PTPRD: variants seen among roughly 807,000 people sequenced by gnomAD.
PTPRD encodes protein tyrosine phosphatase receptor type D, also known as receptor-type tyrosine-protein phosphatase delta.
Under a neutral mutation model 214.5 loss-of-function variants are expected in PTPRD, and 34 were observed. That is an observed-to-expected ratio of 0.16 (90% confidence interval 0.12 to 0.21). The LOEUF (loss-of-function observed/expected upper bound fraction) is 0.21. Ranked by LOEUF, PTPRD falls within the 10% of genes least tolerant of loss-of-function variation. PTPRD has a pLI of 1.00. For missense variants in PTPRD, 2,545 were observed against 2,398.7 expected (o/e 1.06, Z -1.27); for synonymous variants, 1,128 against 845.7 (o/e 1.33, Z -5.79).
chr9:9,971,944 A>T (rs1358845320), intron 4 of PTPRD, among the ~76,000 whole-genome samples: 1 of 152,150 alleles, frequency 6.6e-6, no homozygotes, highest in Non-Finnish European at 1.5e-5. Context: ...TTAGAACTTC[A>T]GCTTTAGTGA....
chr9:9,609,655 G>A (rs979218343), intron 7 of PTPRD, among the ~76,000 whole-genome samples: 1 of 152,112 alleles, frequency 6.6e-6, no homozygotes, highest in South Asian at 2.1e-4. Context: ...TAGAGATGGG[G>A]TTTCCCCATG....
chr9:10,451,019 A>G (rs967352963), intron 2 of PTPRD, among the ~76,000 whole-genome samples: 2 of 152,014 alleles, frequency 1.3e-5, no homozygotes, highest in African/African-American at 4.8e-5. Context: ...AATGCCACTT[A>G]ATAACATGAT....
At chr9:10,511,713 T>C (rs929804459) in intron 2 of PTPRD, among the ~76,000 whole-genome samples, 1 of 151,078 alleles carries the variant, frequency 6.6e-6, no homozygotes, top group African/African-American at 2.4e-5. Flanking sequence ...CACACCTGGC[T>C]ACCATTTCTT....
At chr9:10,286,454 T>G (rs1466206852) in intron 3 of PTPRD, among the ~76,000 whole-genome samples, 3 of 151,670 alleles carry the variant, frequency 2.0e-5, no homozygotes, top group African/African-American at 7.3e-5. Flanking sequence ...AATAAATACA[T>G]TTAAAAAAAT....
intron 14 of PTPRD, among the ~76,000 whole-genome samples, chr9:8,547,434 G>T (rs1375429274): frequency 6.6e-6 from 1 of 152,102 alleles, no homozygotes; most frequent in African/African-American, 2.4e-5. Context: ...CCTGATCTCA[G>T]GAGTTTGAGA....
At chr9:10,611,496 T>TTA (rs1289820321) in intron 2 of PTPRD, among the ~76,000 whole-genome samples, 1 of 152,192 alleles carries the variant, frequency 6.6e-6, no homozygotes, top group Non-Finnish European at 1.5e-5. Context: ...TACATGTTTT[T>TTA]TATATATATG....
chr9:8,327,346 G>GTTTTT (rs3858062), intron 44 of PTPRD, among the ~76,000 whole-genome samples: 1 of 130,528 alleles, frequency 7.7e-6, no homozygotes, highest in African/African-American at 2.9e-5. Flanking sequence ...GTTTTGAGTG[G>GTTTTT]TTTTTTTTTT....
At chr9:8,568,212 T>C (rs2090005345) in intron 14 of PTPRD, among the ~76,000 whole-genome samples, 1 of 152,184 alleles carries the variant, frequency 6.6e-6, no homozygotes, top group African/African-American at 2.4e-5. Context: ...GATGCTAAGT[T>C]ACATTTAATA....
At chr9:8,961,340 C>G (rs761565497) in intron 11 of PTPRD, among the ~76,000 whole-genome samples, 4 of 152,122 alleles carry the variant, frequency 2.6e-5, no homozygotes, top group Non-Finnish European at 5.9e-5. Flanking sequence ...CCAAAGGCCA[C>G]TTGAGGTCTT....
rs1412469646 is a variant in PTPRD at position 8,574,382 on chromosome 9, C to G, written c.353-45603G>C. Among the ~76,000 whole-genome samples the G allele has an allele frequency of 5.3e-5, 8 of 151,986 alleles. No homozygotes were observed. In the South Asian group the frequency reaches 1.5e-3, roughly 28 times the overall value. Reference sequence around the variant, plus strand: ...TAATATTGTCCTCTGATAAAAACATCTGAACATTTTAATTCATGATGATGA... The same window carrying G: ...TAATATTGTCCTCTGATAAAAACATGTGAACATTTTAATTCATGATGATGA... On this transcript the variant is annotated intron_variant, in intron 14 of 45. Transcript: ENST00000381196.
Position 10,411,676 on chromosome 9 carries a change from T to A in PTPRD, c.-599-70659A>T, listed in dbSNP as rs1476064052. Among the ~76,000 whole-genome samples, 3 of 151,968 alleles carry A rather than the reference T, an allele frequency of 2.0e-5. No homozygotes were observed. In the South Asian group the frequency reaches 6.2e-4, roughly 31 times the overall value. ...TAGTCATTTGCTATTTGATTTTTTT[T>A]ACTTATTAGCTACTAATTATTAGCT... On this transcript the variant is annotated intron_variant, in intron 2 of 45. Coordinates refer to ENST00000381196, the MANE Select transcript of PTPRD (RefSeq NM_002839.4).
chr9:8,321,016 A>G lies in PTPRD; in HGVS notation c.5535-1050T>C, dbSNP rs138079250. Among the ~76,000 whole-genome samples the G allele has an allele frequency of 3.5e-4, 54 of 152,220 alleles. No homozygotes were observed. The East Asian group carries it at 9.9e-3, about 28-fold the overall frequency. On this transcript the variant is annotated intron_variant, in intron 44 of 45. Transcript: ENST00000381196. ...GCATATATAAATAGTGTGTCCCTTT[A>G]TAAATGGGGTTTCTACAGTCTAAAC...
At chr9:10,427,451 C>T (rs1369270963) in intron 2 of PTPRD, among the ~76,000 whole-genome samples, 1 of 152,092 alleles carries the variant, frequency 6.6e-6, no homozygotes, top group Non-Finnish European at 1.5e-5. Context: ...GCTGCTGGCT[C>T]TCAGTTGTAC....
intron 9 of PTPRD, among the ~76,000 whole-genome samples, chr9:9,318,603 A>G (rs1409303580): frequency 1.3e-5 from 2 of 152,220 alleles, no homozygotes; most frequent in African/African-American, 4.8e-5. Context: ...ACGATTTCAA[A>G]GAATTTAAAG....
At chr9:9,680,776 G>GA (rs36111167) in intron 7 of PTPRD, among the ~76,000 whole-genome samples, 15,336 of 149,272 alleles carry the variant, frequency 0.1, 1,032 homozygotes, top group South Asian at 0.16. Flanking sequence ...GAGGAGAAAA[G>GA]AAAAAAAAAA....
chr9:8,678,480 C>T (rs532626065), intron 12 of PTPRD, among the ~76,000 whole-genome samples: 3 of 152,234 alleles, frequency 2.0e-5, no homozygotes, highest in East Asian at 1.9e-4. Flanking sequence ...TCAGTCTTCT[C>T]TCCCCCAGCC....
At chr9:8,842,401 T>C (rs1051264296) in intron 11 of PTPRD, among the ~76,000 whole-genome samples, 4 of 152,306 alleles carry the variant, frequency 2.6e-5, no homozygotes, top group Non-Finnish European at 4.4e-5. Context: ...TTGAAATAGA[T>C]GAATAAAAGT....
intron 7 of PTPRD, among the ~76,000 whole-genome samples, chr9:9,717,287 T>C (rs955822001): frequency 1.3e-5 from 2 of 152,238 alleles, no homozygotes; most frequent in Non-Finnish European, 2.9e-5. Context: ...GGTAGCGTGA[T>C]GCCTCCAGCT....
chr9:9,884,489 G>C (rs773931922), intron 5 of PTPRD, among the ~76,000 whole-genome samples: 1 of 152,010 alleles, frequency 6.6e-6, no homozygotes, highest in African/African-American at 2.4e-5. Flanking sequence ...CCAAACTAAA[G>C]CATGTGGCAT....
Sources: allele counts gnomAD v4.1 joint callset (sites outside exome capture counted in the v4.1 genomes callset), GRCh38; gene constraint gnomAD v4.1.1; transcripts MANE v1.5; gene names NCBI Gene and HGNC (gene_info 2026-07-23, HGNC 2026-07-21).